OGFOD1: variants seen among roughly 807,000 people sequenced by gnomAD.
The protein encoded by OGFOD1 is 2-oxoglutarate and iron dependent oxygenase domain containing 1, also known as prolyl 3-hydroxylase OGFOD1.
OGFOD1 carries 54 observed loss-of-function variants against 67.7 expected under a neutral mutation model. That is an observed-to-expected ratio of 0.80 (90% CI 0.64 to 1.00). The LOEUF (loss-of-function observed/expected upper bound fraction) is 1.00, where lower values mean the gene tolerates loss of function less well. Among genes scored for constraint, OGFOD1 ranks in the 50% least tolerant of loss-of-function variants. The pLI is 0.00. For missense variants in OGFOD1, 606 were observed against 646.7 expected, an observed-to-expected ratio of 0.94 and a Z score of 0.68; for synonymous variants, 221 against 227.0, an observed-to-expected ratio of 0.97 and a Z score of 0.24.
chr16:56,470,414 C>T (rs758234350), intron 9 of OGFOD1, 73 bp from the exon 10 acceptor site: 16 of 1,328,722 alleles, frequency 1.2e-5, no homozygotes, highest in Middle Eastern at 5.5e-4. Flanking sequence ...ACAAAGCTAA[C>T]GATCAGCTTT....
chr16:56,460,771 T>G (rs1397215191), intron 3 of OGFOD1, among the ~76,000 whole-genome samples: 1 of 152,256 alleles, frequency 6.6e-6, no homozygotes, highest in African/African-American at 2.4e-5. Context: ...ATTTCAGTAA[T>G]GTGCATTTGG....
chr16:56,471,401 T>C (rs1057285935), intron 10 of OGFOD1, among the ~76,000 whole-genome samples: 2 of 151,898 alleles, frequency 1.3e-5, no homozygotes, highest in Admixed American at 6.6e-5. Flanking sequence ...AGTAGCCTCT[T>C]AGGCGAATAG....
chr16:56,474,877 T>C lies in OGFOD1; in HGVS notation c.1335T>C (p.Gly445=). Residue 445 remains glycine (G), a synonymous_variant, in exon 11 of 13, where the codon GGT becomes GGC. Transcript: ENST00000566157. ...CQGELRHWKT[G]HYTLIHDHSK... is the part of the protein sequence containing the mutation. ...GGGAACTGAGGCATTGGAAGACCGG[T>C]CACTACACTTTAATTCATGACCATA... The C allele has an allele frequency of 2.5e-6, 4 of 1,613,516 alleles. No individual in the cohort carries two copies. Among genetic ancestry groups the C allele is most frequent in the Non-Finnish European group, 3.4e-6 (4 of 1,179,528 alleles).
Position 56,470,709 on chromosome 16 carries a change from T to C in OGFOD1, c.1203T>C (p.Asn401=), listed in dbSNP as rs1963127996. 6.2e-7 allele frequency: 1 copy of C among 1,614,096 alleles called. No individual in the cohort carries two copies. Among genetic ancestry groups the C allele is most frequent in the African/African-American group, 1.3e-5 (1 of 75,042 alleles). The change falls in exon 10 of 13, where the codon AAT becomes AAC. Residue 401 remains asparagine (N), a synonymous_variant. Transcript: ENST00000566157. ...GCCATAGTCCTCCTGAGCCAGAGAA[T>C]AATCAGATGGCCATCAGCAACAACA... The part of the protein sequence containing the change: ...GTSHSPPEPE[N]NQMAISNNSQ...
chr16:56,473,112 A>G (rs1334149179), intron 10 of OGFOD1, among the ~76,000 whole-genome samples: 1 of 152,090 alleles, frequency 6.6e-6, no homozygotes, highest in Admixed American at 6.5e-5. Context: ...TTGTATTTTT[A>G]GTAGAGACGG....
In OGFOD1 at chr16:56,458,544, C is replaced by A. The variant is rs562175945; in HGVS notation, c.301-4C>A. On this transcript the variant is annotated splice_polypyrimidine_tract_variant and splice_region_variant and intron_variant, in intron 2 of 12. Transcript: ENST00000566157. ...CCTTTTTTTTCTCTATTTTCATGATCAAGTCTGATGATTTGAAGAAGAGAA... is the reference window on the plus strand; with the variant it reads ...CCTTTTTTTTCTCTATTTTCATGATAAAGTCTGATGATTTGAAGAAGAGAA... 1.2e-6 allele frequency: 2 copies of A among 1,612,402 alleles called. No homozygotes were observed. Among genetic ancestry groups the A allele is most frequent in the East Asian group, 2.2e-5 (1 of 44,852 alleles).
chr16:56,458,866 G>A, intron 3 of OGFOD1: 1 of 425,532 alleles, frequency 2.3e-6, no homozygotes. Context: ...AGTTAACACT[G>A]GAGATACCAT....
At chr16:56,468,860 G>A (rs1188117353) in intron 8 of OGFOD1, among the ~76,000 whole-genome samples, 1 of 152,086 alleles carries the variant, frequency 6.6e-6, no homozygotes, top group African/African-American at 2.4e-5. Context: ...TACCTGCCTT[G>A]TCTTTCTCAT....
Position 56,467,310 on chromosome 16 carries a change from A to G in OGFOD1, c.786+17A>G. 1.2e-6 allele frequency: 2 copies of G among 1,613,768 alleles called. No individual in the cohort carries two copies. Among genetic ancestry groups the G allele is most frequent in the Non-Finnish European group, 1.7e-6 (2 of 1,179,830 alleles). On this transcript the variant is annotated intron_variant, in intron 7 of 12. Transcript: ENST00000566157. ...CCACAAGATGTAAGAAGAATTGCTGATATCCTTATCTTAGGAGCTATAGCA... is the reference window on the plus strand; with the variant it reads ...CCACAAGATGTAAGAAGAATTGCTGGTATCCTTATCTTAGGAGCTATAGCA...
In OGFOD1 at chr16:56,461,379, G is replaced by A. The variant is rs1962705211; in HGVS notation, c.348-1155G>A. Reference sequence around the variant, plus strand: ...GTGTACCTGGGGAGGACGTGGTGTGGAAGCTCCACACCCCTTCCCCATACC... The same window carrying A: ...GTGTACCTGGGGAGGACGTGGTGTGAAAGCTCCACACCCCTTCCCCATACC... On this transcript the variant is annotated intron_variant, in intron 3 of 12. Transcript: ENST00000566157. Among the ~76,000 whole-genome samples the A allele has an allele frequency of 2.0e-5, 3 of 152,198 alleles. 1 individual carries two copies. The South Asian group carries it at 6.2e-4, about 31-fold the overall frequency.
intron 3 of OGFOD1, among the ~76,000 whole-genome samples, chr16:56,461,125 G>A (rs983988259): frequency 2.9e-4 from 44 of 152,304 alleles, no homozygotes; most frequent in South Asian, 8.3e-4. Context: ...ATTAAATGGC[G>A]GTACCAGTAT....
At position 56,476,421 on chromosome 16, in the gene OGFOD1, C is replaced by CA; in HGVS notation, c.*216_*217insA. The CA allele has an allele frequency of 3.5e-6, 1 of 286,868 alleles. No homozygotes were observed. The highest frequency in any genetic ancestry group is 6.3e-6 in the Non-Finnish European group (1 of 159,874). The allele number at this position is 286,868 out of a possible 1,614,324, so 17.8% of individuals were successfully genotyped here. On this transcript the variant is annotated 3_prime_UTR_variant, in exon 13 of 13. Coordinates refer to ENST00000566157, the MANE Select transcript of OGFOD1 (RefSeq NM_018233.4). ...CTCTTGATTAAAAAAAAAAAGTTGG[C>CA]TTTTTTTTTTTTAACATTTAGTCCT...
intron 11 of OGFOD1, 33 bp downstream of exon 11, chr16:56,474,983 C>A: frequency 6.2e-7 from 1 of 1,609,704 alleles, no homozygotes; most frequent in Non-Finnish European, 8.5e-7. Context: ...GTGGATTATT[C>A]CCCGTAGGAG....
chr16:56,473,703 ATTT>A (rs1226175104), intron 10 of OGFOD1, among the ~76,000 whole-genome samples: 3 of 134,530 alleles, frequency 2.2e-5, no homozygotes, highest in African/African-American at 8.3e-5. Context: ...TGGTTACTTG[ATTT>A]TTTTTTTTCA....
At chr16:56,455,454 C>T (rs1962494627) in intron 2 of OGFOD1, among the ~76,000 whole-genome samples, 1 of 150,688 alleles carries the variant, frequency 6.6e-6, no homozygotes, top group African/African-American at 2.4e-5. Context: ...GCTGCCATTA[C>T]TTTGGATCCA....
intron 4 of OGFOD1, 68 bp downstream of exon 4, chr16:56,462,702 G>T: frequency 2.2e-6 from 2 of 918,402 alleles, no homozygotes; most frequent in Non-Finnish European, 1.8e-6. Flanking sequence ...TGGAGAGATG[G>T]TATCTGTGTA....
At chr16:56,468,487 C>G (rs752785201) in intron 8 of OGFOD1, among the ~76,000 whole-genome samples, 2 of 152,014 alleles carry the variant, frequency 1.3e-5, no homozygotes, top group Non-Finnish European at 2.9e-5. Flanking sequence ...TTTGGGAGGC[C>G]GAGGTGGCCA....
intron 1 of OGFOD1, 126 bp downstream of exon 1, chr16:56,451,892 C>A: frequency 9.8e-7 from 1 of 1,016,038 alleles, no homozygotes; most frequent in Non-Finnish European, 1.4e-6. Context: ...AGGACTTTGG[C>A]CACCTCCTAC....
rs1963595257 is a variant in OGFOD1 at position 56,479,100 on chromosome 16, T to G, written c.*2895T>G. On this transcript the variant is annotated 3_prime_UTR_variant, in exon 13 of 13. Transcript: ENST00000566157. ...AGATAAAAGCTATGATGTTCACCTG[T>G]AAAATATATGGTTTCTCTCTTTATT... is the stretch of plus-strand genomic sequence containing the variant. The G allele has an allele frequency of 6.6e-6, 1 of 152,230 alleles. No individual in the cohort carries two copies. Among genetic ancestry groups the G allele is most frequent in the African/African-American group, 2.4e-5 (1 of 41,460 alleles). 9.4% of individuals were successfully genotyped at this position (152,230 alleles called of 1,614,324 possible). A position where few individuals can be genotyped will look rare whatever the true frequency, so the allele number is the denominator to read the frequency against.
Sources: allele counts gnomAD v4.1 joint callset (sites outside exome capture counted in the v4.1 genomes callset), GRCh38; gene constraint gnomAD v4.1.1; transcripts MANE v1.5; gene names NCBI Gene and HGNC (gene_info 2026-07-23, HGNC 2026-07-21).